The following COL6A5 variants were observed in gnomAD, a reference collection of about 807,000 sequenced individuals.
COL6A5 encodes collagen type VI alpha 5 chain.
Under a neutral mutation model 65.6 loss-of-function variants are expected in COL6A5, and 48 were observed. The ratio of observed to expected loss-of-function variants is 0.73; its 90% CI spans 0.58 to 0.93. The LOEUF is 0.93. Ranked by LOEUF, COL6A5 falls within the 40% of genes least tolerant of loss-of-function variation. The pLI is 0.00. For missense variants in COL6A5, 914 were observed against 928.3 expected, an observed-to-expected ratio of 0.98 and a Z score of 0.20; for synonymous variants, 291 against 322.8, an observed-to-expected ratio of 0.90 and a Z score of 1.05.
upstream of COL6A5, among the ~76,000 whole-genome samples, chr3:130,430,179 G>A (rs186403653): frequency 5.3e-5 from 8 of 152,146 alleles, no homozygotes; most frequent in Admixed American, 3.9e-4. Flanking sequence ...CTTTAAGCTC[G>A]GTGCAAGTTT....
chr3:130,408,451 A>AC (rs1937073152), intron 17 of COL6A5, among the ~76,000 whole-genome samples: 2 of 151,956 alleles, frequency 1.3e-5, no homozygotes, highest in Non-Finnish European at 2.9e-5. Context: ...GCTCGCGAAC[A>AC]CTGTTTCCTG....
At chr3:130,411,246 G>T (rs1937167020) in intron 20 of COL6A5, among the ~76,000 whole-genome samples, 1 of 152,192 alleles carries the variant, frequency 6.6e-6, no homozygotes, top group Non-Finnish European at 1.5e-5. Context: ...GAAGCTGGAA[G>T]TGATATTTAT....
intron 5 of COL6A5, among the ~76,000 whole-genome samples, chr3:130,467,478 C>T (rs1009273641): frequency 6.6e-6 from 1 of 151,170 alleles, no homozygotes; most frequent in Non-Finnish European, 1.5e-5. Flanking sequence ...CAAAACTAGA[C>T]GAAGACATTA....
At chr3:130,433,568 C>G (rs1413844190) in intron 1 of COL6A5, among the ~76,000 whole-genome samples, 1 of 152,124 alleles carries the variant, frequency 6.6e-6, no homozygotes, top group Non-Finnish European at 1.5e-5. Flanking sequence ...CTGCCTTGCA[C>G]TCTTCTCCAC....
At chr3:130,427,416 G>A (rs1937626844), upstream of COL6A5, among the ~76,000 whole-genome samples, 1 of 152,116 alleles carries the variant, frequency 6.6e-6, no homozygotes, top group Admixed American at 6.6e-5. Context: ...TATGTGGCAA[G>A]GAAAGAACAG....
exon 7 of COL6A5, chr3:130,391,274 A>G: frequency 5.2e-6 from 8 of 1,551,496 alleles, no homozygotes; most frequent in South Asian, 1.2e-5. Context: ...TAACCTAACT[A>G]TCCATTTGGT....
At chr3:130,361,074 T>G (rs1317589372) in intron 1 of COL6A5, among the ~76,000 whole-genome samples, 1 of 152,082 alleles carries the variant, frequency 6.6e-6, no homozygotes, top group Non-Finnish European at 1.5e-5. Flanking sequence ...TTACAATCGA[T>G]GAACCTACAC....
chr3:130,376,101 T>C lies in COL6A5; in HGVS notation c.68-136T>C, dbSNP rs892039253. ...CAAAGGCAATTATATTTTCTTCTGT[T>C]TGACCTCCAGAAGACACTTTTCTTG... On this transcript the variant is annotated intron_variant and NMD_transcript_variant, in intron 2 of 41. Transcript: ENST00000312481. 4.8e-6 allele frequency: 4 copies of C among 829,050 alleles called. No individual in the cohort carries two copies. In the East Asian group the frequency reaches 1.1e-4, roughly 24 times the overall value. 51.4% of individuals were successfully genotyped at this position (829,050 alleles called of 1,614,324 possible). A position where few individuals can be genotyped will look rare whatever the true frequency, so the allele number is the denominator to read the frequency against.
At chr3:130,380,033 G>A in exon 4 of COL6A5, 2 of 1,524,220 alleles carry the variant, frequency 1.3e-6, no homozygotes, top group Non-Finnish European at 1.8e-6. Flanking sequence ...GCTGAACAAA[G>A]GAATCTTGAT....
At chr3:130,394,458 A>G (rs374464342) in intron 7 of COL6A5, among the ~76,000 whole-genome samples, 2 of 152,218 alleles carry the variant, frequency 1.3e-5, no homozygotes, top group East Asian at 3.8e-4. Context: ...GCTACTCCTC[A>G]ATATGAATGT....
At chr3:130,421,503 A>G (rs1937517255) in intron 27 of COL6A5, 143 bp downstream of exon 27, 2 of 754,120 alleles carry the variant, frequency 2.7e-6, no homozygotes, top group Admixed American at 2.4e-5. Context: ...TGAGGAAAGA[A>G]TCATATTTAA....
At chr3:130,431,843 C>G (rs1430453154) in exon 1 of COL6A5, 1 of 1,551,640 alleles carries the variant, frequency 6.4e-7, no homozygotes, top group African/African-American at 1.4e-5. Context: ...AATGGTCAAA[C>G]AGCCAGTAGG....
chr3:130,443,393 G>T, intron 3 of COL6A5, 83 bp from the exon 36 acceptor site: 1 of 1,072,426 alleles, frequency 9.3e-7, no homozygotes, highest in Non-Finnish European at 1.4e-6. Flanking sequence ...GTTGCTTCAA[G>T]AGGATTCCTG....
At chr3:130,434,249 C>T (rs1261411822) in intron 1 of COL6A5, among the ~76,000 whole-genome samples, 1 of 152,132 alleles carries the variant, frequency 6.6e-6, no homozygotes, top group African/African-American at 2.4e-5. Context: ...CATCCATGTC[C>T]CTGCAAAGGA....
intron 3 of COL6A5, 119 bp downstream of exon 3, chr3:130,376,955 C>A (rs1009197582): frequency 1.7e-6 from 2 of 1,146,730 alleles, no homozygotes; most frequent in African/African-American, 1.6e-5. Flanking sequence ...GTATTGGAAA[C>A]TTCTACACAT....
At chr3:130,483,631 A>G (rs2107630892) in intron 7 of COL6A5, among the ~76,000 whole-genome samples, 1 of 152,292 alleles carries the variant, frequency 6.6e-6, no homozygotes, top group East Asian at 1.9e-4. Flanking sequence ...TTGGGGAGGG[A>G]GGCCCAGAAG....
At chr3:130,347,069 C>T (rs944072029) in intron 1 of COL6A5, among the ~76,000 whole-genome samples, 2 of 152,126 alleles carry the variant, frequency 1.3e-5, no homozygotes, top group African/African-American at 4.8e-5. Flanking sequence ...TCTTTGATGA[C>T]GAATGAATGG....
At position 130,376,854 on chromosome 3, in the gene COL6A5, T is replaced by C. The variant is rs1228017130; in HGVS notation, c.667+18T>C. 6.3e-7 allele frequency: 1 copy of C among 1,588,292 alleles called. No individual in the cohort carries two copies. The highest frequency in any genetic ancestry group is 8.6e-7 in the Non-Finnish European group (1 of 1,167,152). ...TATGCAAGGTAAGGAAACCCTTGGT[T>C]GAAGAGGTGCCTGATCCCCAGGTGG... On this transcript the variant is annotated intron_variant and NMD_transcript_variant, in intron 3 of 41. Transcript: ENST00000312481.
intron 5 of COL6A5, among the ~76,000 whole-genome samples, chr3:130,462,206 C>T (rs973051655): frequency 1.3e-5 from 2 of 152,100 alleles, no homozygotes; most frequent in South Asian, 2.1e-4. Context: ...GTTGCCCCAA[C>T]ACGTGCCTTT....
Sources: gnomAD v4.1 joint callset for allele counts (sites outside exome capture counted in the v4.1 genomes callset) on GRCh38, gnomAD v4.1.1 for gene constraint, MANE v1.5 for transcripts, NCBI Gene and HGNC (gene_info 2026-07-23, HGNC 2026-07-21) for gene names.